The following CNNM3 variants were observed in gnomAD, a reference collection of about 807,000 sequenced individuals.
CNNM3 encodes the protein metal transporter CNNM3.
Under a neutral mutation model 57.1 loss-of-function variants are expected in CNNM3, and 47 were observed. That is an observed-to-expected ratio of 0.82 (90% CI 0.65 to 1.05). The LOEUF (loss-of-function observed/expected upper bound fraction) is 1.05. CNNM3 is among the 50% of genes least tolerant of loss of function. CNNM3 has a pLI of 0.00. For synonymous variants in CNNM3, 507 were observed against 478.2 expected (o/e 1.06, Z -0.79); for missense variants, 957 against 973.7 (o/e 0.98, Z 0.23).
intron 6 of CNNM3, 126 bp downstream of exon 6, chr2:96,828,826 C>A: frequency 6.8e-7 from 1 of 1,474,716 alleles, no homozygotes; most frequent in Non-Finnish European, 9.3e-7. Context: ...CAGACCTTTG[C>A]ACCCAGTTTC....
At chr2:96,828,216 TGCTGAGGGCCA>T in intron 5 of CNNM3, 21 bp downstream of exon 5, 1 of 1,594,434 alleles carries the variant, frequency 6.3e-7, no homozygotes, top group Non-Finnish European at 8.6e-7. Context: ...GCCCTGCTGA[TGCTGAGGGCCA>T]GGGTGGAGGC....
chr2:96,828,764 C>CA, intron 6 of CNNM3, 64 bp downstream of exon 6: 1 of 1,602,306 alleles, frequency 6.2e-7, no homozygotes, highest in Non-Finnish European at 8.5e-7. Flanking sequence ...GGGGCTAGAC[C>CA]AGCTGGTCTG....
intron 1 of CNNM3, among the ~76,000 whole-genome samples, chr2:96,818,518 T>G (rs1006705651): frequency 6.6e-6 from 1 of 152,178 alleles, no homozygotes; most frequent in African/African-American, 2.4e-5. Flanking sequence ...CCCAAAGTGT[T>G]GGGATTACAG....
rs1174766584 is a variant in CNNM3, at chr2:96,833,044, C to T, written c.*428C>T. On this transcript the variant is annotated 3_prime_UTR_variant, in exon 8 of 8. Coordinates refer to ENST00000305510, the MANE Select transcript of CNNM3 (RefSeq NM_017623.5). ...GTTTGCTTTTAATTTGCCAACCTAT[C>T]GCTGCTGGCAGCACTTTTTGAGCAA... 12 of 1,291,880 alleles carry T rather than the reference C, an allele frequency of 9.3e-6. No homozygotes were observed. The highest frequency in any genetic ancestry group is 4.9e-5 in the South Asian group (4 of 80,948). The allele number at this position is 1,291,880 out of a possible 1,614,324, so 80.0% of individuals were successfully genotyped here.
chr2:96,819,470 T>C (rs2079375007), intron 1 of CNNM3, among the ~76,000 whole-genome samples: 1 of 152,170 alleles, frequency 6.6e-6, no homozygotes, highest in African/African-American at 2.4e-5. Context: ...GCATATGCTG[T>C]GTGCTTGGCG....
At chr2:96,831,649 T>C (rs1260953846) in intron 7 of CNNM3, among the ~76,000 whole-genome samples, 1 of 152,180 alleles carries the variant, frequency 6.6e-6, no homozygotes, top group African/African-American at 2.4e-5. Flanking sequence ...ATTGGTCCTT[T>C]ACAGAAAAAG....
At position 96,834,930 on chromosome 2, in the gene CNNM3, A is replaced by G. The variant is rs1349210460; in HGVS notation, c.*2314A>G. On this transcript the variant is annotated 3_prime_UTR_variant, in exon 8 of 8. Coordinates refer to ENST00000305510, the MANE Select transcript of CNNM3 (RefSeq NM_017623.5). ...TAAGGGCCCCACGCACCCTTCATCT[A>G]GTTTCCCTCCATGGTTACATCTTAT... 6.6e-6 allele frequency among the ~76,000 whole-genome samples: 1 copy of G among 152,168 alleles called. No individual in the cohort carries two copies. Among genetic ancestry groups the G allele is most frequent in the Non-Finnish European group, 1.5e-5 (1 of 68,034 alleles).
At chr2:96,831,126 G>A (rs1316416270) in intron 7 of CNNM3, among the ~76,000 whole-genome samples, 1 of 152,194 alleles carries the variant, frequency 6.6e-6, no homozygotes. Flanking sequence ...ATAGTTGATA[G>A]TGGCTTTGTG....
In CNNM3 at chr2:96,825,170, G is replaced by A. The variant is rs1258997643; in HGVS notation, c.1338G>A (p.Arg446=). The A allele has an allele frequency of 1.9e-6, 3 of 1,614,148 alleles. No individual in the cohort carries two copies. Among genetic ancestry groups the A allele is most frequent in the African/African-American group, 1.3e-5 (1 of 75,036 alleles). ...AGGACGTGATCGAGGAGATCATCAGGTCCGAGATCCTGGACGAGTCTGAAG... is the reference window on the plus strand; with the variant it reads ...AGGACGTGATCGAGGAGATCATCAGATCCGAGATCCTGGACGAGTCTGAAG... ...TLEDVIEEII[R]SEILDESEDY... is the part of the protein sequence containing the mutation. The change falls in exon 2 of 8, where the codon AGG becomes AGA. Residue 446 remains arginine, a synonymous_variant. Coordinates refer to ENST00000305510, the MANE Select transcript of CNNM3 (RefSeq NM_017623.5).
chr2:96,816,963 C>A lies in CNNM3; in HGVS notation c.686C>A (p.Ala229Glu). ...QRAVPAVLGS[A>E]GLVFLVGEVV... ...GCGGTGCCCGCCGTGTTGGGCAGCG[C>A]GGGGCTCGTGTTCCTGGTGGGAGAG... is the stretch of plus-strand genomic sequence containing the variant. The change falls in exon 1 of 8, where the codon GCG becomes GAG. Residue 229 changes from alanine (A) to glutamate (E), a missense_variant. Ala to Glu is a moderately radical substitution (Grantham distance 107). This residue lies in a region of CNNM3 where 466 missense variants were observed against 403.1 expected (regional missense o/e 1.16). Transcript: ENST00000305510. 1 of 1,335,844 alleles carries A rather than the reference C, an allele frequency of 7.5e-7. No individual in the cohort carries two copies. The highest frequency in any genetic ancestry group is 1.5e-5 in the South Asian group (1 of 67,612). 82.7% of individuals were successfully genotyped at this position (1,335,844 alleles called of 1,614,324 possible).
rs555257487 is a variant in CNNM3 at position 96,834,947 on chromosome 2, A to G, written c.*2331A>G. On this transcript the variant is annotated 3_prime_UTR_variant, in exon 8 of 8. Coordinates refer to ENST00000305510, the MANE Select transcript of CNNM3 (RefSeq NM_017623.5). Reference sequence around the variant, plus strand: ...CTTCATCTAGTTTCCCTCCATGGTTACATCTTATATGGTTGTAATGCAGTA... The same window carrying G: ...CTTCATCTAGTTTCCCTCCATGGTTGCATCTTATATGGTTGTAATGCAGTA... Among the ~76,000 whole-genome samples the G allele has an allele frequency of 2.0e-5, 3 of 152,322 alleles. No individual in the cohort carries two copies. The highest frequency in any genetic ancestry group is 1.3e-4 in the Admixed American group (2 of 15,298).
chr2:96,824,712 T>G, intron 1 of CNNM3: 4 of 247,330 alleles, frequency 1.6e-5, no homozygotes, highest in East Asian at 9.9e-5. Context: ...GTGTGAGGCA[T>G]TTGTGTTCTC....
At chr2:96,822,005 A>ATTATT (rs1270155431) in intron 1 of CNNM3, among the ~76,000 whole-genome samples, 3 of 142,380 alleles carry the variant, frequency 2.1e-5, no homozygotes, top group African/African-American at 7.5e-5. Context: ...TATTATTATT[A>ATTATT]TTTTTTTTTT....
chr2:96,828,917 G>C, intron 6 of CNNM3, 79 bp from the exon 7 acceptor site: 5 of 1,581,772 alleles, frequency 3.2e-6, no homozygotes, highest in South Asian at 1.1e-5. Context: ...TGTCCTCTTC[G>C]GGCACGGTGT....
rs1476831137 is a variant in CNNM3, at chr2:96,816,679, C to G, written c.402C>G (p.Pro134=). ...GGGAAEEAAP[P]WALGLGAAGL... Reference sequence around the variant, plus strand: ...GGGCGGCTGAGGAGGCGGCGCCGCCCTGGGCTCTGGGCCTGGGGGCGGCCG... The same window carrying G: ...GGGCGGCTGAGGAGGCGGCGCCGCCGTGGGCTCTGGGCCTGGGGGCGGCCG... Residue 134 remains proline, a synonymous_variant, in exon 1 of 8, where the codon CCC becomes CCG. Transcript: ENST00000305510. 111 of 1,022,896 alleles carry G rather than the reference C, an allele frequency of 1.1e-4. No individual in the cohort carries two copies. Among genetic ancestry groups the G allele is most frequent in the Non-Finnish European group, 1.3e-4 (109 of 856,504 alleles). 63.4% of individuals were successfully genotyped at this position (1,022,896 alleles called of 1,614,324 possible).
At chr2:96,823,387 C>T (rs1002916864) in intron 1 of CNNM3, among the ~76,000 whole-genome samples, 4 of 152,204 alleles carry the variant, frequency 2.6e-5, no homozygotes, top group Non-Finnish European at 5.9e-5. Flanking sequence ...ACCAAAACCA[C>T]ATGTCGCACT....
At chr2:96,825,279 T>C in intron 2 of CNNM3, 78 bp downstream of exon 2, 1 of 1,518,566 alleles carries the variant, frequency 6.6e-7, no homozygotes, top group African/African-American at 1.4e-5. Flanking sequence ...CAGAGGCCAG[T>C]GGGCCTCTGT....
At chr2:96,831,658 A>T (rs2079603911) in intron 7 of CNNM3, among the ~76,000 whole-genome samples, 2 of 152,026 alleles carry the variant, frequency 1.3e-5, no homozygotes, top group African/African-American at 2.4e-5. Flanking sequence ...TTACAGAAAA[A>T]GTTGTCTGAC....
At position 96,832,921 on chromosome 2, in the gene CNNM3, G is replaced by A. The variant is rs768776662; in HGVS notation, c.*305G>A. The A allele has an allele frequency of 2.4e-5, 35 of 1,432,088 alleles. 1 individual carries two copies. The highest frequency in any genetic ancestry group is 3.6e-4 in the Middle Eastern group (2 of 5,500). The allele number at this position is 1,432,088 out of a possible 1,614,324, so 88.7% of individuals were successfully genotyped here. Reference sequence around the variant, plus strand: ...GGGCCCAGCCTTCCCCTTCTCCCCCGGGGCAGGGACAGTGCGGCATATTCA... The same window carrying A: ...GGGCCCAGCCTTCCCCTTCTCCCCCAGGGCAGGGACAGTGCGGCATATTCA... On this transcript the variant is annotated 3_prime_UTR_variant, in exon 8 of 8. Coordinates refer to ENST00000305510, the MANE Select transcript of CNNM3 (RefSeq NM_017623.5).
Sources: gnomAD v4.1 joint callset for allele counts (sites outside exome capture counted in the v4.1 genomes callset) on GRCh38, gnomAD v4.1.1 for gene constraint, gnomAD v4.1.1 regional missense constraint, MANE v1.5 for transcripts, NCBI Gene and HGNC (gene_info 2026-07-23, HGNC 2026-07-21) for gene names.